The following CMYA5 variants were observed in gnomAD, a reference collection of about 807,000 sequenced individuals.
The protein encoded by CMYA5 is cardiomyopathy associated 5.
Under a neutral mutation model 318.9 loss-of-function variants are expected in CMYA5, and 246 were observed. The observed-to-expected ratio is 0.77, with a 90% CI of 0.70 to 0.86. CMYA5 has a LOEUF of 0.86. CMYA5 is among the 40% of genes least tolerant of loss of function. The probability of loss-of-function intolerance (pLI) is 0.00; values close to 1 mark genes in which losing one functional copy is unlikely to be tolerated. For missense variants in CMYA5, 4,589 were observed against 4,678.2 expected (o/e 0.98, Z 0.56); for synonymous variants, 1,641 against 1,729.5 (o/e 0.95, Z 1.27).
rs1301085687 is a variant in CMYA5 at position 79,733,134 on chromosome 5, C to G, written c.4369C>G (p.His1457Asp). The G allele has an allele frequency of 6.2e-7, 1 of 1,613,806 alleles. No individual in the cohort carries two copies. The change falls in exon 2 of 13, where the codon CAT becomes GAT. Residue 1457 changes from histidine to aspartate, a missense_variant. His to Asp is a moderately conservative substitution (Grantham distance 81). Coordinates refer to ENST00000446378, the MANE Select transcript of CMYA5 (RefSeq NM_153610.5). Reference protein sequence around the residue: ...SLPSVSSIAEHSVLSEVEAKE... With the variant: ...SLPSVSSIAEDSVLSEVEAKE... ...TCCAAGTGTCTCCTCTATAGCAGAGCATTCTGTTTTGTCAGAAGTAGAAGC... is the reference window on the plus strand; with the variant it reads ...TCCAAGTGTCTCCTCTATAGCAGAGGATTCTGTTTTGTCAGAAGTAGAAGC...
At chr5:79,750,903 T>C (rs1327311504) in intron 5 of CMYA5, among the ~76,000 whole-genome samples, 1 of 152,212 alleles carries the variant, frequency 6.6e-6, no homozygotes, top group Non-Finnish European at 1.5e-5. Flanking sequence ...TCAGAGCCTT[T>C]GTGCTACAAA....
At chr5:79,694,670 G>A (rs890922344) in intron 1 of CMYA5, among the ~76,000 whole-genome samples, 1 of 152,230 alleles carries the variant, frequency 6.6e-6, no homozygotes, top group Non-Finnish European at 1.5e-5. Flanking sequence ...ACTAGTCCTT[G>A]CAGGAATAAA....
Position 79,733,863 on chromosome 5 carries a change from C to T in CMYA5, c.5098C>T (p.Leu1700Phe), listed in dbSNP as rs1366755255. The T allele has an allele frequency of 1.2e-6, 2 of 1,613,590 alleles. No homozygotes were observed. The highest frequency in any genetic ancestry group is 1.3e-5 in the African/African-American group (1 of 75,026). The change falls in exon 2 of 13, where the codon CTT (leucine) becomes TTT (phenylalanine). Residue 1700 changes from leucine (L) to phenylalanine (F), a missense_variant. Transcript: ENST00000446378. The part of the protein sequence containing the change: ...ASSTMPAISE[L>F]SSLLREESQN... ...TTCTACGATGCCTGCAATTTCAGAG[C>T]TTTCATCATTGCTTAGGGAGGAATC...
At chr5:79,778,811 C>G (rs1190015374) in intron 9 of CMYA5, among the ~76,000 whole-genome samples, 4 of 85,020 alleles carry the variant, frequency 4.7e-5, no homozygotes, top group African/African-American at 1.9e-4. Flanking sequence ...CTCTCTCTTT[C>G]TGTGTGTGTG....
At chr5:79,792,050 G>A (rs1190885014) in intron 11 of CMYA5, among the ~76,000 whole-genome samples, 2 of 152,256 alleles carry the variant, frequency 1.3e-5, no homozygotes, top group African/African-American at 4.8e-5. Flanking sequence ...AGCCAGCAGT[G>A]ACTTTCACTA....
chr5:79,701,090 C>CCAA (rs55791310), intron 1 of CMYA5, among the ~76,000 whole-genome samples: 13 of 114,926 alleles, frequency 1.1e-4, no homozygotes, highest in East Asian at 2.5e-4. Flanking sequence ...ACTAAAAATA[C>CCAA]AAAAAAAAAA....
Position 79,763,676 on chromosome 5 carries a change from A to C in CMYA5, c.11555+467A>C, listed in dbSNP as rs576363406. Reference sequence around the variant, plus strand: ...ATGGAGACATACCTGCCTCTCCAAAAGCATGAAATATGTAAAGAGATTCTT... The same window carrying C: ...ATGGAGACATACCTGCCTCTCCAAACGCATGAAATATGTAAAGAGATTCTT... On this transcript the variant is annotated intron_variant, in intron 9 of 12. Transcript: ENST00000446378. Among the ~76,000 whole-genome samples the C allele has an allele frequency of 1.2e-4, 18 of 152,314 alleles. No homozygotes were observed. In the East Asian group the frequency reaches 1.5e-3, roughly 13 times the overall value.
chr5:79,735,914 G>C lies in CMYA5; in HGVS notation c.7149G>C (p.Lys2383Asn). ...KSLLSFDVVD[K>N]VPQQPKSASS... is the part of the protein sequence containing the mutation. ...TCCTTTCATTTGATGTAGTAGATAA[G>C]GTGCCACAACAGCCAAAATCAGCTT... The change falls in exon 2 of 13, where the codon AAG becomes AAC. Residue 2383 changes from lysine to asparagine, a missense_variant. Lys to Asn is a moderately conservative substitution (Grantham distance 94, BLOSUM62 0). Coordinates refer to ENST00000446378, the MANE Select transcript of CMYA5 (RefSeq NM_153610.5). 1 of 1,604,676 alleles carries C rather than the reference G, an allele frequency of 6.2e-7. No homozygotes were observed. The highest frequency in any genetic ancestry group is 1.1e-5 in the South Asian group (1 of 88,628).
chr5:79,754,649 ATT>A (rs140604323), intron 6 of CMYA5, among the ~76,000 whole-genome samples: 9 of 149,958 alleles, frequency 6.0e-5, no homozygotes, highest in Non-Finnish European at 1.3e-4. Context: ...GCACCTGGGG[ATT>A]TTTTTTTTAA....
chr5:79,716,717 G>A (rs527937529), intron 1 of CMYA5, among the ~76,000 whole-genome samples: 2 of 152,306 alleles, frequency 1.3e-5, no homozygotes, highest in South Asian at 4.1e-4. Context: ...AAACTAAGCT[G>A]GGAGAACACT....
intron 6 of CMYA5, 86 bp downstream of exon 6, chr5:79,752,880 T>G (rs949576072): frequency 2.2e-6 from 2 of 896,378 alleles, no homozygotes; most frequent in Non-Finnish European, 3.5e-6. Context: ...ATACAAAAGA[T>G]TTTGAGTGTA....
At chr5:79,772,003 G>A (rs1828863979) in intron 9 of CMYA5, among the ~76,000 whole-genome samples, 1 of 151,788 alleles carries the variant, frequency 6.6e-6, no homozygotes, top group African/African-American at 2.4e-5. Flanking sequence ...GATTATCCTG[G>A]GGACTTTGCA....
At chr5:79,740,152 A>G (rs933861168) in intron 2 of CMYA5, among the ~76,000 whole-genome samples, 1 of 152,166 alleles carries the variant, frequency 6.6e-6, no homozygotes, top group African/African-American at 2.4e-5. Context: ...ATATGAAAAT[A>G]CTATGCCATT....
chr5:79,704,597 G>T (rs1827235482), intron 1 of CMYA5, among the ~76,000 whole-genome samples: 1 of 152,152 alleles, frequency 6.6e-6, no homozygotes, highest in African/African-American at 2.4e-5. Context: ...AGGAGTCCCT[G>T]CCTTTGTTCT....
At position 79,734,905 on chromosome 5, in the gene CMYA5, T is replaced by G. The variant is rs146320518; in HGVS notation, c.6140T>G (p.Phe2047Cys). 1 of 1,613,852 alleles carries G rather than the reference T, an allele frequency of 6.2e-7. No individual in the cohort carries two copies. The highest frequency in any genetic ancestry group is 1.3e-5 in the African/African-American group (1 of 75,032). ...QEKIKLPPERFFQKPVSGLSV... is the reference protein window; with the variant it reads ...QEKIKLPPERCFQKPVSGLSV... ...AAAATTAAACTACCTCCTGAAAGAT[T>G]CTTCCAGAAACCAGTGTCTGGCCTA... is the stretch of plus-strand genomic sequence containing the variant. Residue 2047 changes from phenylalanine (F) to cysteine (C), a missense_variant, in exon 2 of 13, where the codon TTC becomes TGC. Phe to Cys is a radical substitution (Grantham distance 205). Around this residue, in one of 3 missense-constraint regions of CMYA5, gnomAD observed 2,431 missense variants for 2,495.1 expected, o/e 0.97. Coordinates refer to ENST00000446378, the MANE Select transcript of CMYA5 (RefSeq NM_153610.5).
intron 9 of CMYA5, among the ~76,000 whole-genome samples, chr5:79,771,494 C>T (rs921292048): frequency 1.2e-4 from 18 of 152,202 alleles, no homozygotes; most frequent in African/African-American, 4.3e-4. Context: ...CCCCAGTTGG[C>T]ATTTGCATAA....
Position 79,734,884 on chromosome 5 carries a change from T to G in CMYA5, c.6119T>G (p.Ile2040Ser), listed in dbSNP as rs768486094. The change falls in exon 2 of 13, where the codon ATT becomes AGT. Residue 2040 changes from isoleucine (I) to serine (S), a missense_variant. By Grantham distance (142) the Ile-to-Ser change is moderately radical. This residue lies in a region of CMYA5 where 2,431 missense variants were observed against 2,495.1 expected (regional missense o/e 0.97). Coordinates refer to ENST00000446378, the MANE Select transcript of CMYA5 (RefSeq NM_153610.5). ...WPSKEDSQEK[I>S]KLPPERFFQK... is the part of the protein sequence containing the mutation. Reference sequence around the variant, plus strand: ...TCCAAAGAAGATAGCCAGGAAAAAATTAAACTACCTCCTGAAAGATTCTTC... The same window carrying G: ...TCCAAAGAAGATAGCCAGGAAAAAAGTAAACTACCTCCTGAAAGATTCTTC... 8 of 1,613,658 alleles carry G rather than the reference T, an allele frequency of 5.0e-6. No homozygotes were observed. Among genetic ancestry groups the G allele is most frequent in the Non-Finnish European group, 6.8e-6 (8 of 1,179,768 alleles).
rs148363686 is a variant in CMYA5 at position 79,721,870 on chromosome 5, T to C, written c.150-7045T>C. On this transcript the variant is annotated intron_variant, in intron 1 of 12. Coordinates refer to ENST00000446378, the MANE Select transcript of CMYA5 (RefSeq NM_153610.5). ...ACCATAAGGAGAGACAAATCCACAA[T>C]TGTGTTAGAAAATGTTAACACATTT... Among the ~76,000 whole-genome samples, 447 of 152,294 alleles carry C rather than the reference T, an allele frequency of 2.9e-3. 2 individuals are homozygous for C. The highest frequency in any genetic ancestry group is 0.01 in the South Asian group (50 of 4,824).
intron 1 of CMYA5, among the ~76,000 whole-genome samples, chr5:79,701,075 T>C (rs1172737771): frequency 9.2e-6 from 1 of 108,946 alleles, no homozygotes; most frequent in African/African-American, 3.4e-5. Flanking sequence ...TGAAACCCCA[T>C]CTCTACTAAA....
Sources: allele counts gnomAD v4.1 joint callset (sites outside exome capture counted in the v4.1 genomes callset), GRCh38; gene constraint gnomAD v4.1.1; regional missense constraint gnomAD v4.1.1; transcripts MANE v1.5; gene names NCBI Gene and HGNC (gene_info 2026-07-23, HGNC 2026-07-21).